Variants in NRG1 observed in about 807,000 individuals in gnomAD.
The protein encoded by NRG1 is pro-neuregulin-1, membrane-bound isoform.
Under a neutral mutation model 63.8 loss-of-function variants are expected in NRG1, and 18 were observed. That is an observed-to-expected ratio of 0.28 (90% confidence interval 0.19 to 0.42). The LOEUF (loss-of-function observed/expected upper bound fraction) is 0.42. NRG1 is among the 10% of genes least tolerant of loss of function. NRG1 has a pLI of 1.00. For synonymous variants in NRG1, 302 were observed against 301.3 expected, an observed-to-expected ratio of 1.00 and a Z score of -0.02; for missense variants, 762 against 814.7, an observed-to-expected ratio of 0.94 and a Z score of 0.79.
chr8:31,951,840 A>G (rs1803514953), intron 1 of NRG1, among the ~76,000 whole-genome samples: 1 of 152,322 alleles, frequency 6.6e-6, no homozygotes, highest in Non-Finnish European at 1.5e-5. Flanking sequence ...CAAAAGCATG[A>G]CATGACATAA....
At chr8:32,176,063 T>C (rs1361579551) in intron 1 of NRG1, among the ~76,000 whole-genome samples, 2 of 152,090 alleles carry the variant, frequency 1.3e-5, no homozygotes, top group African/African-American at 2.4e-5. Flanking sequence ...GGAGGCATCA[T>C]GCTACCTGAC....
At chr8:32,120,577 T>C (rs1833311594) in intron 1 of NRG1, among the ~76,000 whole-genome samples, 1 of 152,096 alleles carries the variant, frequency 6.6e-6, no homozygotes, top group African/African-American at 2.4e-5. Context: ...CTTCAAATGT[T>C]AAAACTGAAC....
At chr8:32,323,418 C>T (rs1801642382) in intron 1 of NRG1, among the ~76,000 whole-genome samples, 1 of 152,122 alleles carries the variant, frequency 6.6e-6, no homozygotes, top group African/African-American at 2.4e-5. Flanking sequence ...TGATTTAGAG[C>T]CTATAGGGTG....
intron 1 of NRG1, among the ~76,000 whole-genome samples, chr8:32,414,891 G>T (rs1224890896): frequency 6.6e-6 from 1 of 152,148 alleles, no homozygotes; most frequent in Non-Finnish European, 1.5e-5. Context: ...AAACCTGGCA[G>T]CTGGAGGATA....
intron 1 of NRG1, among the ~76,000 whole-genome samples, chr8:31,982,426 T>C (rs1378821008): frequency 1.3e-5 from 2 of 151,958 alleles, no homozygotes; most frequent in Non-Finnish European, 2.9e-5. Context: ...GATTAGGTGA[T>C]GGAGAGAAAG....
At chr8:32,411,919 A>T (rs925955058) in intron 1 of NRG1, among the ~76,000 whole-genome samples, 1 of 152,154 alleles carries the variant, frequency 6.6e-6, no homozygotes, top group Non-Finnish European at 1.5e-5. Flanking sequence ...GACCATGCGT[A>T]CTCTGATAGT....
chr8:32,151,844 G>C (rs535231899), intron 1 of NRG1, among the ~76,000 whole-genome samples: 3 of 152,256 alleles, frequency 2.0e-5, no homozygotes, highest in African/African-American at 7.2e-5. Context: ...GTGTTGAAAA[G>C]GGTTTCAGAC....
At chr8:32,373,837 T>C (rs1374443900) in intron 1 of NRG1, among the ~76,000 whole-genome samples, 5 of 152,054 alleles carry the variant, frequency 3.3e-5, no homozygotes. Context: ...GCACTAAAAG[T>C]ATATTTTAAA....
At chr8:32,397,585 T>C (rs534774981) in intron 1 of NRG1, among the ~76,000 whole-genome samples, 1 of 152,200 alleles carries the variant, frequency 6.6e-6, no homozygotes, top group African/African-American at 2.4e-5. Context: ...GAGCACATTT[T>C]CCTCTAATTG....
At chr8:32,384,044 A>G (rs1014213930) in intron 1 of NRG1, among the ~76,000 whole-genome samples, 1 of 152,152 alleles carries the variant, frequency 6.6e-6, no homozygotes, top group African/African-American at 2.4e-5. Flanking sequence ...AGATCAGACT[A>G]GGCAACATAG....
At chr8:32,090,232 G>T (rs1183641377) in intron 1 of NRG1, among the ~76,000 whole-genome samples, 1 of 152,156 alleles carries the variant, frequency 6.6e-6, no homozygotes, top group Non-Finnish European at 1.5e-5. Context: ...TAGCGCTCAG[G>T]AAATTACAGT....
At chr8:32,009,579 A>G (rs1048249587) in intron 1 of NRG1, among the ~76,000 whole-genome samples, 2 of 151,850 alleles carry the variant, frequency 1.3e-5, no homozygotes, top group Admixed American at 6.6e-5. Flanking sequence ...TTTGGGGGGA[A>G]GAGGATGTTA....
At chr8:32,764,264 G>A in exon 12 of NRG1, 1 of 1,614,122 alleles carries the variant, frequency 6.2e-7, no homozygotes, top group Admixed American at 1.7e-5. Flanking sequence ...AGAACCCCCT[G>A]GCAGCCAGTC....
At chr8:32,484,035 G>C (rs893310828) in intron 1 of NRG1, among the ~76,000 whole-genome samples, 6 of 151,790 alleles carry the variant, frequency 4.0e-5, no homozygotes, top group Non-Finnish European at 7.4e-5. Context: ...CCCAGGAGGC[G>C]GAGCTTGCAG....
chr8:31,897,033 A>G (rs1831630733), intron 1 of NRG1, among the ~76,000 whole-genome samples: 1 of 152,190 alleles, frequency 6.6e-6, no homozygotes. Context: ...TACAGGATGA[A>G]TGTTTTGCTT....
intron 1 of NRG1, among the ~76,000 whole-genome samples, chr8:32,387,247 A>T (rs1164658880): frequency 6.6e-6 from 1 of 152,224 alleles, no homozygotes; most frequent in Non-Finnish European, 1.5e-5. Context: ...TCATCACTTT[A>T]TTGACAAGAT....
chr8:32,182,704 A>G (rs961312323), intron 1 of NRG1, among the ~76,000 whole-genome samples: 9 of 152,164 alleles, frequency 5.9e-5, no homozygotes, highest in Non-Finnish European at 8.8e-5. Flanking sequence ...TGATTACAAA[A>G]TTCTTCTAAT....
At chr8:32,614,273 A>G (rs1001614823) in intron 3 of NRG1, 2 of 374,336 alleles carry the variant, frequency 5.3e-6, no homozygotes, top group Non-Finnish European at 9.7e-6. Context: ...GGAGGCAGTG[A>G]ATGCTTCCTA....
chr8:32,757,222 TG>T (rs1829842166), intron 9 of NRG1, among the ~76,000 whole-genome samples: 4 of 152,232 alleles, frequency 2.6e-5, no homozygotes, highest in Non-Finnish European at 5.9e-5. Flanking sequence ...TATTAGGTTC[TG>T]GAGAGTTTGA....
Sources: gnomAD v4.1 joint callset for allele counts (sites outside exome capture counted in the v4.1 genomes callset) on GRCh38, gnomAD v4.1.1 for gene constraint, MANE v1.5 for transcripts, NCBI Gene and HGNC (gene_info 2026-07-23, HGNC 2026-07-21) for gene names.